FCGR2B: variants seen among roughly 807,000 people sequenced by gnomAD.
FCGR2B encodes Fc gamma receptor IIb, also known as low affinity immunoglobulin gamma Fc region receptor II-b.
In FCGR2B, 18 loss-of-function variants were observed where a neutral mutation model predicts 24.8. The ratio of observed to expected loss-of-function variants is 0.73; its 90% CI spans 0.50 to 1.08. The LOEUF is 1.08. Ranked by LOEUF, FCGR2B falls within the 50% of genes least tolerant of loss-of-function variation. The probability of loss-of-function intolerance (pLI) is 0.00; values close to 1 mark genes in which losing one functional copy is unlikely to be tolerated. For synonymous variants in FCGR2B, 79 were observed against 109.8 expected (o/e 0.72, Z 1.75); for missense variants, 215 against 297.6 (o/e 0.72, Z 2.04).
In FCGR2B at chr1:161,678,002, T is replaced by C. The variant is rs1056608336; in HGVS notation, c.*449T>C. ...AATTATTGATGATTTTTATTTTCTT[T>C]ATTTTTCTATAAAGATCATATATTA... On this transcript the variant is annotated 3_prime_UTR_variant, in exon 8 of 8. Transcript: ENST00000358671. 3.2e-5 allele frequency: 7 copies of C among 220,214 alleles called. No homozygotes were observed. Among genetic ancestry groups the C allele is most frequent in the Non-Finnish European group, 3.6e-5 (4 of 109,942 alleles). 13.6% of individuals were successfully genotyped at this position (220,214 alleles called of 1,614,324 possible).
At position 161,677,561 on chromosome 1, in the gene FCGR2B, T is replaced by C. The variant is rs865921509; in HGVS notation, c.*8T>C. The C allele has an allele frequency of 1.3e-6, 2 of 1,597,548 alleles. No individual in the cohort carries two copies. The highest frequency in any genetic ancestry group is 1.7e-4 in the Middle Eastern group (1 of 6,006). ...GACCAGAACCGTATTTAGTCTCCAT[T>C]GTCTTGCATTGGGATTTGAGAAGAA... On this transcript the variant is annotated 3_prime_UTR_variant, in exon 8 of 8. Transcript: ENST00000358671.
intron 6 of FCGR2B, chr1:161,675,862 C>T (rs1297843031): frequency 4.3e-6 from 1 of 233,600 alleles, no homozygotes; most frequent in Non-Finnish European, 8.4e-6. Flanking sequence ...CTAGTGGGCT[C>T]TACTCTGTGG....
At chr1:161,661,232 AAGAAAG>A (rs1252189524), upstream of FCGR2B, among the ~76,000 whole-genome samples, 3 of 69,320 alleles carry the variant, frequency 4.3e-5, no homozygotes, top group Non-Finnish European at 7.6e-5. Context: ...GAAAGAAAGA[AAGAAAG>A]AAAGAAAGAA....
upstream of FCGR2B, among the ~76,000 whole-genome samples, chr1:161,661,250 GA>G (rs1315275802): frequency 1.2e-4 from 6 of 51,986 alleles, no homozygotes; most frequent in Non-Finnish European, 1.8e-4. Context: ...AAGAAAGAAA[GA>G]AAGAAAGAAA....
rs770982377 is a variant in FCGR2B, at chr1:161,677,376, C to G, written c.855+11C>G. On this transcript the variant is annotated intron_variant, in intron 7 of 7. Transcript: ENST00000358671. ...GCTGACAAAGTTGGGGTGAGTGATC[C>G]CAGCCATCTCCCCCTCCCTTCTCCC... 9 of 1,612,826 alleles carry G rather than the reference C, an allele frequency of 5.6e-6. No individual in the cohort carries two copies. The highest frequency in any genetic ancestry group is 6.8e-6 in the Non-Finnish European group (8 of 1,179,362).
chr1:161,673,168 C>A lies in FCGR2B; in HGVS notation c.585C>A (p.His195Gln). The A allele has an allele frequency of 6.2e-7, 1 of 1,611,868 alleles. No individual in the cohort carries two copies. The highest frequency in any genetic ancestry group is 8.5e-7 in the Non-Finnish European group (1 of 1,178,958). ...ACCACAGTCACAGTGGTGATTACCA[C>A]TGCACAGGAAACATAGGCTACACGC... The part of the protein sequence containing the change: ...QANHSHSGDY[H>Q]CTGNIGYTLY... The change falls in exon 4 of 8, where the codon CAC (histidine) becomes CAA (glutamine). Residue 195 changes from histidine (H) to glutamine (Q), a missense_variant. His to Gln is a conservative substitution (Grantham distance 24). Around this residue, in one of 5 missense-constraint regions of FCGR2B, gnomAD observed 16 missense variants for 46.6 expected, o/e 0.34. Transcript: ENST00000358671.
chr1:161,649,868 A>G, the FCGR2B span, among the ~76,000 whole-genome samples: 1 of 150,250 alleles, frequency 6.7e-6, no homozygotes, highest in Non-Finnish European at 1.5e-5. Context: ...CAAGAGGAAA[A>G]GAAACGTGCA....
At chr1:161,651,575 G>T in the FCGR2B span, among the ~76,000 whole-genome samples, 1 of 108,748 alleles carries the variant, frequency 9.2e-6, no homozygotes, top group South Asian at 3.5e-4. Context: ...TATAACTTCT[G>T]ATTATCTCCT....
rs773318122 is a variant in FCGR2B at position 161,678,290 on chromosome 1, T to A, written c.*737T>A. On this transcript the variant is annotated 3_prime_UTR_variant, in exon 8 of 8. Transcript: ENST00000358671. ...CAACAGACTGCATATATGATGGTGA[T>A]CCCATAAAATTATAATACCATATTT... 11 of 218,516 alleles carry A rather than the reference T, an allele frequency of 5.0e-5. No homozygotes were observed. The highest frequency in any genetic ancestry group is 2.9e-3 in the Middle Eastern group (2 of 696). The allele number at this position is 218,516 out of a possible 1,614,324, so 13.5% of individuals were successfully genotyped here.
the FCGR2B span, among the ~76,000 whole-genome samples, chr1:161,649,874 G>A: frequency 4.0e-5 from 6 of 150,132 alleles, 1 homozygote; most frequent in African/African-American, 1.2e-4. Flanking sequence ...GAAAAGAAAC[G>A]TGCAAGAACT....
At chr1:161,661,226 GAA>G (rs1160035698), upstream of FCGR2B, among the ~76,000 whole-genome samples, 13 of 74,354 alleles carry the variant, frequency 1.7e-4, no homozygotes, top group Non-Finnish European at 2.9e-4. Context: ...AAGAAAGAAA[GAA>G]AGAAAGAAAG....
chr1:161,661,259 AAAGGAAGG>A (rs147865116), upstream of FCGR2B, among the ~76,000 whole-genome samples: 15 of 32,700 alleles, frequency 4.6e-4, 1 homozygote, highest in South Asian at 3.3e-3. Flanking sequence ...AGAAAGAAAG[AAAGGAAGG>A]AAGCAAGAAA....
chr1:161,649,682 G>C, the FCGR2B span, among the ~76,000 whole-genome samples: 7 of 150,186 alleles, frequency 4.7e-5, 2 homozygotes, highest in African/African-American at 1.7e-4. Flanking sequence ...TCACCAAAGA[G>C]TCTGCTGGCA....
At chr1:161,669,597 A>AATAAAATAAAATAAT (rs1373166469) in intron 1 of FCGR2B, among the ~76,000 whole-genome samples, 1 of 142,626 alleles carries the variant, frequency 7.0e-6, no homozygotes, top group East Asian at 1.9e-4. Flanking sequence ...AATAAAATAA[A>AATAAAATAAAATAAT]ATAAAATAAA....
At chr1:161,672,705 T>C in intron 3 of FCGR2B, 1 of 548,214 alleles carries the variant, frequency 1.8e-6, no homozygotes. Flanking sequence ...GAGATGAGTG[T>C]ATCCTGAACA....
the FCGR2B span, among the ~76,000 whole-genome samples, chr1:161,651,723 G>A: frequency 1.2e-4 from 15 of 120,008 alleles, 1 homozygote; most frequent in Non-Finnish European, 2.7e-4. Context: ...ATCACCTGAG[G>A]TCGGGAGTTG....
chr1:161,678,229 A>G lies in FCGR2B; in HGVS notation c.*676A>G, dbSNP rs1024618246. 1 of 220,400 alleles carries G rather than the reference A, an allele frequency of 4.5e-6. No individual in the cohort carries two copies. Among genetic ancestry groups the G allele is most frequent in the Non-Finnish European group, 9.1e-6 (1 of 110,150 alleles). 13.7% of individuals were successfully genotyped at this position (220,400 alleles called of 1,614,324 possible). A position where few individuals can be genotyped will look rare whatever the true frequency, so the allele number is the denominator to read the frequency against. Reference sequence around the variant, plus strand: ...TGAGTGCCCCTTTTCTTAAAACTGAATACAGTCACGCACCACATAATGATG... The same window carrying G: ...TGAGTGCCCCTTTTCTTAAAACTGAGTACAGTCACGCACCACATAATGATG... On this transcript the variant is annotated 3_prime_UTR_variant, in exon 8 of 8. Transcript: ENST00000358671.
intron 3 of FCGR2B, 124 bp downstream of exon 3, chr1:161,671,773 T>G: frequency 6.6e-7 from 1 of 1,518,398 alleles, no homozygotes; most frequent in African/African-American, 1.4e-5. Context: ...GTGAGTTGCC[T>G]CAGCACATAT....
chr1:161,671,294 C>T (rs191616771), intron 2 of FCGR2B, 98 bp from the exon 3 acceptor site: 4 of 1,588,732 alleles, frequency 2.5e-6, no homozygotes, highest in East Asian at 2.3e-5. Context: ...TTTTGGTGCC[C>T]CTAGTAGGCC....
Sources: gnomAD v4.1 joint callset for allele counts (sites outside exome capture counted in the v4.1 genomes callset) on GRCh38, gnomAD v4.1.1 for gene constraint, gnomAD v4.1.1 regional missense constraint, MANE v1.5 for transcripts, NCBI Gene and HGNC (gene_info 2026-07-23, HGNC 2026-07-21) for gene names.